The following DNAH6 variants were observed in gnomAD, a reference collection of about 807,000 sequenced individuals.
The protein encoded by DNAH6 is dynein axonemal heavy chain 6.
In DNAH6, 340 loss-of-function variants were observed where a neutral mutation model predicts 491.4. The observed-to-expected ratio is 0.69, with a 90% CI of 0.63 to 0.76. DNAH6 has a LOEUF of 0.76. DNAH6 is among the 30% of genes least tolerant of loss of function. The pLI is 0.00. For synonymous variants in DNAH6, 1,603 were observed against 1,686.1 expected, an observed-to-expected ratio of 0.95 and a Z score of 1.21; for missense variants, 4,443 against 4,972.2, an observed-to-expected ratio of 0.89 and a Z score of 3.20.
chr2:84,788,325 G>A (rs1413944281), intron 68 of DNAH6, among the ~76,000 whole-genome samples: 1 of 152,102 alleles, frequency 6.6e-6, no homozygotes, highest in Non-Finnish European at 1.5e-5. Context: ...GATGTTTCAG[G>A]TTACCTCAGT....
At chr2:84,504,256 T>TTA in the DNAH6 span, among the ~76,000 whole-genome samples, 1 of 152,148 alleles carries the variant, frequency 6.6e-6, no homozygotes. Context: ...TTGATTCTTT[T>TTA]TAATTATTTC....
chr2:84,711,074 A>G (rs1696998200), intron 56 of DNAH6, among the ~76,000 whole-genome samples: 1 of 152,334 alleles, frequency 6.6e-6, no homozygotes, highest in Admixed American at 6.5e-5. Context: ...AGAGAAAGAA[A>G]GAGAGAAGAA....
intron 63 of DNAH6, among the ~76,000 whole-genome samples, chr2:84,757,874 C>A (rs1335926200): frequency 6.6e-6 from 1 of 152,066 alleles, no homozygotes; most frequent in African/African-American, 2.4e-5. Flanking sequence ...GACAGGAAAC[C>A]GCATGCTAAT....
chr2:84,478,506 A>C, the DNAH6 span, among the ~76,000 whole-genome samples: 2 of 152,282 alleles, frequency 1.3e-5, no homozygotes, highest in African/African-American at 4.8e-5. Flanking sequence ...GGGAGGTTCC[A>C]TCTGCATTGG....
chr2:84,487,737 T>C, the DNAH6 span, among the ~76,000 whole-genome samples: 2 of 152,166 alleles, frequency 1.3e-5, no homozygotes, highest in Non-Finnish European at 2.9e-5. Context: ...TCACAAATAT[T>C]TGGGCCCACT....
At position 84,677,013 on chromosome 2, in the gene DNAH6, A is replaced by AATCAT; in HGVS notation, c.6625_6629dup (p.Ala2211TyrfsTer14). ...GATTTCTCTGCACACAGGATGTAAC[A>AATCAT]ATCATATCGGCATGTGCACCTCCAG... On this transcript the variant is annotated frameshift_variant, in exon 41 of 77. Transcript: ENST00000389394. LOFTEE classifies it high-confidence loss of function. The AATCAT allele has an allele frequency of 6.4e-7, 1 of 1,551,810 alleles. No homozygotes were observed. Among genetic ancestry groups the AATCAT allele is most frequent in the Non-Finnish European group, 8.7e-7 (1 of 1,146,994 alleles).
At chr2:84,663,550 AAG>A (rs1691758085) in intron 37 of DNAH6, among the ~76,000 whole-genome samples, 1 of 152,182 alleles carries the variant, frequency 6.6e-6, no homozygotes, top group Non-Finnish European at 1.5e-5. Flanking sequence ...TTAGAGAAAA[AAG>A]AGTAAAAAGA....
At chr2:84,699,890 C>A (rs1695729311) in intron 48 of DNAH6, among the ~76,000 whole-genome samples, 156 bp downstream of exon 48, 1 of 152,124 alleles carries the variant, frequency 6.6e-6, no homozygotes, top group African/African-American at 2.4e-5. Context: ...AATCATAGAA[C>A]AAAGACAAAA....
Position 84,708,570 on chromosome 2 carries a change from GGGAAGGAAGGA to G in DNAH6, c.9049-761_9049-751del, listed in dbSNP as rs1466952232. On this transcript the variant is annotated intron_variant, in intron 54 of 76. Transcript: ENST00000389394. ...GAAGGAGGAAGGAAGGAAAGAAAGA[GGGAAGGAAGGA>G]GGAAGGAAGGAAAGAAGGAAGGAAG... Among the ~76,000 whole-genome samples the G allele has an allele frequency of 8.3e-5, 12 of 144,730 alleles. No individual in the cohort carries two copies. The East Asian group carries it at 1.6e-3, about 19-fold the overall frequency. The allele number at this position is 144,730 out of a possible 152,430, so 94.9% of individuals were successfully genotyped here. A position where few individuals can be genotyped will look rare whatever the true frequency, so the allele number is the denominator to read the frequency against.
chr2:84,646,636 A>C (rs1689925491), intron 33 of DNAH6, among the ~76,000 whole-genome samples: 1 of 152,206 alleles, frequency 6.6e-6, no homozygotes, highest in African/African-American at 2.4e-5. Flanking sequence ...GGTCTGGATA[A>C]AAGATTAAAC....
intron 4 of DNAH6, among the ~76,000 whole-genome samples, chr2:84,543,356 C>T (rs1412654101): frequency 1.3e-5 from 2 of 151,980 alleles, no homozygotes; most frequent in Non-Finnish European, 2.9e-5. Flanking sequence ...TTTGTTTTTG[C>T]CCTTAACCTT....
chr2:84,797,451 T>C, intron 69 of DNAH6, 86 bp from the exon 70 acceptor site: 1 of 1,320,406 alleles, frequency 7.6e-7, no homozygotes, highest in Non-Finnish European at 1.0e-6. Context: ...GCAGCCACCA[T>C]CTGCACCACA....
chr2:84,589,004 G>T, intron 16 of DNAH6, 50 bp downstream of exon 16: 1 of 1,478,202 alleles, frequency 6.8e-7, no homozygotes, highest in Non-Finnish European at 9.1e-7. Flanking sequence ...TATAGAAATG[G>T]CGTATATGCA....
the DNAH6 span, among the ~76,000 whole-genome samples, chr2:84,468,481 A>G: frequency 6.6e-6 from 1 of 152,208 alleles, no homozygotes; most frequent in Non-Finnish European, 1.5e-5. Context: ...GCACTCTTTA[A>G]TAAAGCCCTT....
intron 64 of DNAH6, among the ~76,000 whole-genome samples, chr2:84,770,709 G>T: frequency 6.6e-6 from 1 of 152,152 alleles, no homozygotes; most frequent in Non-Finnish European, 1.5e-5. Flanking sequence ...CCTGCCAGGT[G>T]TAGTGGCTCA....
At chr2:84,501,313 T>C in the DNAH6 span, among the ~76,000 whole-genome samples, 3 of 152,186 alleles carry the variant, frequency 2.0e-5, no homozygotes, top group African/African-American at 2.4e-5. Flanking sequence ...TCTGTTGATA[T>C]GGTGTATCAC....
At chr2:84,546,696 T>A (rs1678829441) in intron 5 of DNAH6, among the ~76,000 whole-genome samples, 1 of 152,262 alleles carries the variant, frequency 6.6e-6, no homozygotes, top group South Asian at 2.1e-4. Flanking sequence ...ATAATGCTGC[T>A]ATGAGCATGC....
At position 84,634,639 on chromosome 2, in the gene DNAH6, A is replaced by G; in HGVS notation, c.4651A>G (p.Lys1551Glu). The change falls in exon 30 of 77, where the codon AAG becomes GAG. Residue 1551 changes from lysine to glutamate, a missense_variant and splice_region_variant. Physicochemically the swap from Lys to Glu is moderately conservative, Grantham distance 56 (BLOSUM62 1). Transcript: ENST00000389394. ...TACCATTAGGAACGCCAAAGCGGCAAAGGTAAGGCACTGGGCAATCGACTT... is the reference window on the plus strand; with the variant it reads ...TACCATTAGGAACGCCAAAGCGGCAGAGGTAAGGCACTGGGCAATCGACTT... Reference protein sequence around the residue: ...LITIRNAKAAKLSRFMFEGRE... With the variant: ...LITIRNAKAAELSRFMFEGRE... 1 of 1,533,482 alleles carries G rather than the reference A, an allele frequency of 6.5e-7. No homozygotes were observed. 95.0% of individuals were successfully genotyped at this position (1,533,482 alleles called of 1,614,324 possible).
chr2:84,461,298 C>G, the DNAH6 span, among the ~76,000 whole-genome samples: 16,335 of 152,236 alleles, frequency 0.11, 1,072 homozygotes, highest in Non-Finnish European at 0.14. Context: ...AATTTCCAGG[C>G]CTTCTCCCTG....
Sources: allele counts gnomAD v4.1 joint callset (sites outside exome capture counted in the v4.1 genomes callset), GRCh38; gene constraint gnomAD v4.1.1; transcripts MANE v1.5; gene names NCBI Gene and HGNC (gene_info 2026-07-23, HGNC 2026-07-21).